Variants in OSBP2 observed in about 807,000 individuals in gnomAD.
The protein encoded by OSBP2 is oxysterol-binding protein 2.
Under a neutral mutation model 96.0 loss-of-function variants are expected in OSBP2, and 66 were observed. The observed-to-expected ratio is 0.69, with a 90% CI of 0.56 to 0.84. The LOEUF is 0.84. Among genes scored for constraint, OSBP2 ranks in the 40% least tolerant of loss-of-function variants. The probability of loss-of-function intolerance (pLI) is 0.00; values close to 1 mark genes in which losing one functional copy is unlikely to be tolerated. For missense variants in OSBP2, 1,038 were observed against 1,222.7 expected (o/e 0.85, Z 2.25); for synonymous variants, 525 against 520.9 (o/e 1.01, Z -0.11).
At chr22:30,761,305 T>C (rs535225335) in intron 2 of OSBP2, among the ~76,000 whole-genome samples, 1 of 151,796 alleles carries the variant, frequency 6.6e-6, no homozygotes, top group Admixed American at 6.6e-5. Context: ...TTCTGTGTAT[T>C]AGCAATGAAC....
At chr22:30,833,822 A>G (rs957370821) in intron 2 of OSBP2, among the ~76,000 whole-genome samples, 1 of 152,192 alleles carries the variant, frequency 6.6e-6, no homozygotes, top group African/African-American at 2.4e-5. Flanking sequence ...CACCTAAACC[A>G]TGGTGATATG....
intron 2 of OSBP2, among the ~76,000 whole-genome samples, chr22:30,767,136 T>TAAAAAAAA (rs2090284375): frequency 5.7e-5 from 1 of 17,592 alleles, no homozygotes; most frequent in Non-Finnish European, 1.1e-4. Context: ...CTACTAAAAA[T>TAAAAAAAA]ACAAAAAAAA....
intron 2 of OSBP2, among the ~76,000 whole-genome samples, chr22:30,851,237 A>G (rs1048943766): frequency 3.5e-5 from 5 of 144,844 alleles, no homozygotes; most frequent in Non-Finnish European, 7.6e-5. Flanking sequence ...TAATTTTTGT[A>G]TTTTTTTTTT....
intron 1 of OSBP2, among the ~76,000 whole-genome samples, chr22:30,738,985 A>G (rs188295442): frequency 2.6e-5 from 4 of 152,342 alleles, no homozygotes; most frequent in Admixed American, 2.0e-4. Flanking sequence ...AAAATTACCA[A>G]ATGAGCTCCT....
At chr22:30,761,991 C>T (rs1244459565) in intron 2 of OSBP2, among the ~76,000 whole-genome samples, 5 of 152,048 alleles carry the variant, frequency 3.3e-5, no homozygotes, top group Non-Finnish European at 7.4e-5. Context: ...GAGGCCGAGG[C>T]GGGTGGATCA....
chr22:30,722,620 C>T (rs1238992521), intron 1 of OSBP2, among the ~76,000 whole-genome samples: 1 of 151,708 alleles, frequency 6.6e-6, no homozygotes, highest in Non-Finnish European at 1.5e-5. Flanking sequence ...TTTCTTTTCT[C>T]TTTTTTCTTT....
chr22:30,906,019 G>A lies in OSBP2; in HGVS notation c.2558G>A (p.Arg853His), dbSNP rs377386207. The A allele has an allele frequency of 3.0e-4, 475 of 1,574,842 alleles. 2 individuals are homozygous for A. In the African/African-American group the frequency reaches 4.9e-3, roughly 16 times the overall value. Residue 853 changes from arginine (R) to histidine (H), a missense_variant, in exon 13 of 14, where the codon CGC becomes CAC. Arg to His is a conservative substitution (Grantham distance 29, BLOSUM62 0). Around this residue, in one of 3 missense-constraint regions of OSBP2, gnomAD observed 737 missense variants for 913.3 expected, o/e 0.81. Transcript: ENST00000332585. ...GAGGAGAAGCAGCGCCTGTCGCGGCGCCGGCGGCTGGAGGCCTGCGGGCCG... is the reference window on the plus strand; with the variant it reads ...GAGGAGAAGCAGCGCCTGTCGCGGCACCGGCGGCTGGAGGCCTGCGGGCCG... ...RLEEKQRLSR[R>H]RRLEACGPGS...
chr22:30,758,195 A>G (rs1343321141), intron 2 of OSBP2, among the ~76,000 whole-genome samples: 1 of 152,126 alleles, frequency 6.6e-6, no homozygotes, highest in Non-Finnish European at 1.5e-5. Context: ...TGAGGCCAGG[A>G]GTTCGAGACC....
At chr22:30,896,181 G>A (rs1173652721) in intron 12 of OSBP2, among the ~76,000 whole-genome samples, 4 of 151,632 alleles carry the variant, frequency 2.6e-5, no homozygotes, top group Non-Finnish European at 5.9e-5. Flanking sequence ...TACTGTGCTC[G>A]CCTAATTTTT....
intron 2 of OSBP2, among the ~76,000 whole-genome samples, chr22:30,837,910 A>G (rs2038670085): frequency 6.6e-6 from 1 of 152,266 alleles, no homozygotes; most frequent in East Asian, 1.9e-4. Flanking sequence ...CCAAGCTCAC[A>G]TGTGCTTTTT....
rs770974433 is a variant in OSBP2 at position 30,695,020 on chromosome 22, G to A, written c.111G>A (p.Pro37=). Residue 37 remains proline (P), a synonymous_variant, in exon 1 of 14, where the codon CCG becomes CCA. Coordinates refer to ENST00000332585, the MANE Select transcript of OSBP2 (RefSeq NM_030758.4). ...GCCTGTCGTGCCACACGGCGGCGCC[G>A]GGCATGAGCGCTTCCACGTCCGGCT... ...VPCLSCHTAA[P]GMSASTSGSG... 18 of 1,584,758 alleles carry A rather than the reference G, an allele frequency of 1.1e-5. No individual in the cohort carries two copies. The highest frequency in any genetic ancestry group is 2.3e-5 in the East Asian group (1 of 43,472).
intron 2 of OSBP2, among the ~76,000 whole-genome samples, chr22:30,855,380 C>T (rs1233730474): frequency 6.6e-6 from 1 of 152,176 alleles, no homozygotes; most frequent in Non-Finnish European, 1.5e-5. Context: ...ACCTTTGCCT[C>T]ACAGAACCTT....
intron 1 of OSBP2, among the ~76,000 whole-genome samples, chr22:30,703,382 C>T (rs2089193600): frequency 6.6e-6 from 1 of 152,008 alleles, no homozygotes; most frequent in Admixed American, 6.6e-5. Flanking sequence ...CCATGTTGGC[C>T]AAACTGGTCT....
intron 2 of OSBP2, among the ~76,000 whole-genome samples, chr22:30,865,721 G>A (rs2039323567): frequency 6.6e-6 from 1 of 151,776 alleles, no homozygotes; most frequent in Non-Finnish European, 1.5e-5. Flanking sequence ...CTAAGGCCCT[G>A]GTACATGTTA....
At chr22:30,743,748 G>T (rs1302062418) in intron 2 of OSBP2, among the ~76,000 whole-genome samples, 2 of 152,186 alleles carry the variant, frequency 1.3e-5, no homozygotes, top group East Asian at 3.8e-4. Context: ...AATGCAGCAG[G>T]TGGCAGTCAT....
intron 8 of OSBP2, 45 bp downstream of exon 8, chr22:30,891,018 G>A (rs982858271): frequency 6.3e-7 from 1 of 1,578,676 alleles, no homozygotes; most frequent in African/African-American, 1.3e-5. Flanking sequence ...CCCACACTCT[G>A]GCCAAGCTGT....
At chr22:30,760,997 A>G (rs1447794609) in intron 2 of OSBP2, among the ~76,000 whole-genome samples, 2 of 152,208 alleles carry the variant, frequency 1.3e-5, no homozygotes, top group Non-Finnish European at 2.9e-5. Flanking sequence ...GGCATCTTCA[A>G]GAAACTGACA....
intron 1 of OSBP2, among the ~76,000 whole-genome samples, chr22:30,700,826 C>G (rs1180417896): frequency 1.3e-5 from 2 of 151,994 alleles, no homozygotes; most frequent in Non-Finnish European, 2.9e-5. Flanking sequence ...TGGCTCATGC[C>G]TGTAATCCGA....
At chr22:30,823,125 C>T (rs1022147377) in intron 2 of OSBP2, among the ~76,000 whole-genome samples, 1 of 152,182 alleles carries the variant, frequency 6.6e-6, no homozygotes, top group Non-Finnish European at 1.5e-5. Context: ...GGGCCTCGTC[C>T]TGGGGCCACC....
Sources: gnomAD v4.1 joint callset for allele counts (sites outside exome capture counted in the v4.1 genomes callset) on GRCh38, gnomAD v4.1.1 for gene constraint, gnomAD v4.1.1 regional missense constraint, MANE v1.5 for transcripts, NCBI Gene and HGNC (gene_info 2026-07-23, HGNC 2026-07-21) for gene names.